TJP1: variants seen among roughly 807,000 people sequenced by gnomAD.
TJP1 encodes the protein tight junction protein 1, also known as tight junction protein ZO-1.
TJP1 carries 43 observed loss-of-function variants against 194.2 expected under a neutral mutation model. The ratio of observed to expected loss-of-function variants is 0.22; its 90% CI spans 0.17 to 0.29. The LOEUF (loss-of-function observed/expected upper bound fraction) is 0.29, where lower values mean the gene tolerates loss of function less well. Among genes scored for constraint, TJP1 ranks in the 10% least tolerant of loss-of-function variants. The probability of loss-of-function intolerance (pLI) is 1.00; values close to 1 mark genes in which losing one functional copy is unlikely to be tolerated. For synonymous variants in TJP1, 801 were observed against 779.0 expected (o/e 1.03, Z -0.47); for missense variants, 1,971 against 2,185.7 (o/e 0.90, Z 1.96).
At chr15:29,877,033 T>C (rs2052726873) in intron 2 of TJP1, among the ~76,000 whole-genome samples, 1 of 152,246 alleles carries the variant, frequency 6.6e-6, no homozygotes, top group Non-Finnish European at 1.5e-5. Flanking sequence ...CAAAATTTTC[T>C]GTGTAACATG....
At chr15:29,950,173 TACCTCCACCTCCACCACCA>T (rs2055675198) in intron 2 of TJP1, among the ~76,000 whole-genome samples, 3 of 16,784 alleles carry the variant, frequency 1.8e-4, no homozygotes, top group South Asian at 2.7e-3. Flanking sequence ...CCACAACCAC[TACCTCCACCTCCACCACCA>T]CCACCACTTC....
intron 2 of TJP1, among the ~76,000 whole-genome samples, chr15:29,834,283 G>A (rs1326639695): frequency 6.0e-5 from 9 of 150,804 alleles, no homozygotes; most frequent in Non-Finnish European, 1.2e-4. Context: ...GTGCAGTGGC[G>A]AGATCTCGGC....
At chr15:29,720,763 G>T in intron 18 of TJP1, 55 bp from the exon 19 acceptor site, 2 of 1,367,422 alleles carry the variant, frequency 1.5e-6, no homozygotes, top group Admixed American at 2.2e-5. Context: ...TTAAGAGATG[G>T]CCTTTATCGT....
chr15:29,771,563 T>C (rs936868347), intron 4 of TJP1, among the ~76,000 whole-genome samples: 2 of 151,780 alleles, frequency 1.3e-5, no homozygotes, highest in Non-Finnish European at 2.9e-5. Context: ...CCCAGCACTT[T>C]GGGAGGCCGA....
At chr15:29,787,891 C>T (rs934718142) in intron 2 of TJP1, among the ~76,000 whole-genome samples, 1 of 152,142 alleles carries the variant, frequency 6.6e-6, no homozygotes, top group Non-Finnish European at 1.5e-5. Flanking sequence ...GAGGAATTCT[C>T]AAACTGTTTT....
chr15:29,898,089 G>A (rs1334304566), intron 2 of TJP1, among the ~76,000 whole-genome samples: 5 of 152,152 alleles, frequency 3.3e-5, no homozygotes, highest in Non-Finnish European at 7.3e-5. Flanking sequence ...TGGTTTGGCT[G>A]TGTTCCCACC....
chr15:29,854,791 C>CA (rs2051782300), intron 2 of TJP1, among the ~76,000 whole-genome samples: 2 of 152,014 alleles, frequency 1.3e-5, no homozygotes, highest in African/African-American at 4.8e-5. Flanking sequence ...AAACTCAAGA[C>CA]AAAAGAAACC....
intron 2 of TJP1, among the ~76,000 whole-genome samples, chr15:29,911,035 C>T (rs1490747547): frequency 6.6e-6 from 1 of 152,254 alleles, no homozygotes; most frequent in Admixed American, 6.5e-5. Flanking sequence ...GTAAGCTGTA[C>T]TATGATGATC....
At chr15:29,784,722 T>C (rs1165633381) in intron 2 of TJP1, among the ~76,000 whole-genome samples, 1 of 152,184 alleles carries the variant, frequency 6.6e-6, no homozygotes, top group Non-Finnish European at 1.5e-5. Context: ...AATCTAATAA[T>C]ATTCTGACAA....
intron 2 of TJP1, among the ~76,000 whole-genome samples, chr15:29,924,348 C>T (rs771048393): frequency 2.0e-5 from 3 of 152,070 alleles, no homozygotes; most frequent in Admixed American, 6.6e-5. Flanking sequence ...TGGGATTACA[C>T]GGATGAGCCA....
chr15:29,934,098 T>A (rs2054808613), intron 2 of TJP1, among the ~76,000 whole-genome samples: 1 of 152,186 alleles, frequency 6.6e-6, no homozygotes, highest in African/African-American at 2.4e-5. Flanking sequence ...GGTATTTGGG[T>A]GAAGCTTCAA....
intron 24 of TJP1, among the ~76,000 whole-genome samples, chr15:29,709,492 C>T (rs543756152): frequency 5.9e-5 from 9 of 152,238 alleles, no homozygotes; most frequent in South Asian, 4.2e-4. Context: ...CACTGCCAGC[C>T]ACAGTGTAAC....
chr15:29,892,356 G>A (rs184603267), intron 2 of TJP1, among the ~76,000 whole-genome samples: 3 of 152,334 alleles, frequency 2.0e-5, no homozygotes, highest in Non-Finnish European at 4.4e-5. Flanking sequence ...AGGTGAGGAA[G>A]CAAGTGCTGA....
intron 22 of TJP1, 24 bp from the exon 23 acceptor site, chr15:29,716,862 G>C: frequency 1.3e-6 from 2 of 1,550,182 alleles, no homozygotes; most frequent in Non-Finnish European, 1.8e-6. Flanking sequence ...AATGACAAAC[G>C]GAACACCTTT....
At chr15:29,967,984 C>T in intron 1 of TJP1, 1 of 896,568 alleles carries the variant, frequency 1.1e-6, no homozygotes, top group South Asian at 5.1e-5. Flanking sequence ...TCCTGGGATT[C>T]CGCATGGATT....
intron 2 of TJP1, among the ~76,000 whole-genome samples, chr15:29,867,817 A>G (rs2052360039): frequency 6.6e-6 from 1 of 152,102 alleles, no homozygotes; most frequent in African/African-American, 2.4e-5. Flanking sequence ...GCATTTTGAG[A>G]GGCCAAGGTA....
intron 2 of TJP1, among the ~76,000 whole-genome samples, chr15:29,869,847 C>T (rs1352729649): frequency 7.5e-6 from 1 of 133,312 alleles, no homozygotes; most frequent in African/African-American, 2.9e-5. Flanking sequence ...CACTCTGTTG[C>T]CCAGGCTGGA....
At chr15:29,897,634 A>G (rs2053517692) in intron 2 of TJP1, among the ~76,000 whole-genome samples, 1 of 152,190 alleles carries the variant, frequency 6.6e-6, no homozygotes. Flanking sequence ...CCGTAAAAGC[A>G]GCTGGGAGGG....
chr15:29,733,260 G>A lies in TJP1; in HGVS notation c.1570C>T (p.His524Tyr). 3 of 1,613,848 alleles carry A rather than the reference G, an allele frequency of 1.9e-6. No homozygotes were observed. The highest frequency in any genetic ancestry group is 2.5e-6 in the Non-Finnish European group (3 of 1,179,872). The part of the protein sequence containing the change: ...DVGDSFYIRT[H>Y]FEYEKESPYG... ...GGAGATTCCTTTTCATATTCAAAAT[G>A]GGTTCTAATATAGAAAGAATCTCCT... The change falls in exon 13 of 28, where the codon CAT becomes TAT. Residue 524 changes from histidine to tyrosine, a missense_variant. Physicochemically the swap from His to Tyr is moderately conservative, Grantham distance 83. This residue lies in a region of TJP1 where 402 missense variants were observed against 484.2 expected (regional missense o/e 0.83). Transcript: ENST00000614355.
Sources: allele counts gnomAD v4.1 joint callset (sites outside exome capture counted in the v4.1 genomes callset), GRCh38; gene constraint gnomAD v4.1.1; regional missense constraint gnomAD v4.1.1; transcripts MANE v1.5; gene names NCBI Gene and HGNC (gene_info 2026-07-23, HGNC 2026-07-21).